Variants in HECW1 observed in about 807,000 individuals in gnomAD.
The protein encoded by HECW1 is E3 ubiquitin-protein ligase HECW1.
In HECW1, 61 loss-of-function variants were observed where a neutral mutation model predicts 182.3. The observed-to-expected ratio is 0.33, with a 90% CI of 0.27 to 0.41. The LOEUF is 0.41. HECW1 is among the 10% of genes least tolerant of loss of function. The pLI is 1.00. For synonymous variants in HECW1, 859 were observed against 832.6 expected, an observed-to-expected ratio of 1.03 and a Z score of -0.55; for missense variants, 1,739 against 2,108.9, an observed-to-expected ratio of 0.82 and a Z score of 3.44.
At chr7:43,365,143 G>A (rs1816459513) in intron 6 of HECW1, among the ~76,000 whole-genome samples, 2 of 152,240 alleles carry the variant, frequency 1.3e-5, no homozygotes, top group Non-Finnish European at 2.9e-5. Context: ...GCTGCTGGAG[G>A]GAGTGGGGGC....
chr7:43,244,670 G>A (rs112858496), intron 3 of HECW1, among the ~76,000 whole-genome samples: 53 of 152,266 alleles, frequency 3.5e-4, no homozygotes, highest in African/African-American at 1.2e-3. Flanking sequence ...GTCTCCCAGT[G>A]GGTAACTGAG....
chr7:43,558,086 G>T (rs1405795129), intron 29 of HECW1, among the ~76,000 whole-genome samples: 1 of 152,176 alleles, frequency 6.6e-6, no homozygotes, highest in East Asian at 1.9e-4. Context: ...GAGAACTGGA[G>T]ATGGGACACT....
Position 43,114,408 on chromosome 7 carries a change from T to A in HECW1, c.-32+17T>A. ...GCTATTACGGTAATTCATTCTAGAT[T>A]GGGGATTCATTTAAAAATGTGTGTT... On this transcript the variant is annotated intron_variant, in intron 2 of 29. Transcript: ENST00000395891. 11 of 1,336,404 alleles carry A rather than the reference T, an allele frequency of 8.2e-6. No individual in the cohort carries two copies. The highest frequency in any genetic ancestry group is 9.8e-6 in the Non-Finnish European group (10 of 1,017,250). The allele number at this position is 1,336,404 out of a possible 1,614,324, so 82.8% of individuals were successfully genotyped here. A position where few individuals can be genotyped will look rare whatever the true frequency, so the allele number is the denominator to read the frequency against.
At chr7:43,430,332 ACT>A (rs1196673599) in intron 8 of HECW1, among the ~76,000 whole-genome samples, 3 of 152,120 alleles carry the variant, frequency 2.0e-5, no homozygotes, top group African/African-American at 7.2e-5. Context: ...AGCCAGTAAA[ACT>A]CTTTCTACCC....
intron 2 of HECW1, among the ~76,000 whole-genome samples, chr7:43,203,630 G>T (rs1218258871): frequency 6.6e-6 from 1 of 152,094 alleles, no homozygotes. Flanking sequence ...GCTAATTTTT[G>T]TATTTTTAGT....
chr7:43,114,453 G>C (rs140452644), intron 2 of HECW1, 62 bp downstream of exon 2: 2 of 1,287,682 alleles, frequency 1.6e-6, no homozygotes, highest in South Asian at 1.3e-5. Context: ...GAAGGGATTA[G>C]AGTCCACATG....
chr7:43,407,533 TTTAAA>T, intron 7 of HECW1, 24 bp from the exon 8 acceptor site: 2 of 1,567,508 alleles, frequency 1.3e-6, no homozygotes, highest in Non-Finnish European at 1.7e-6. Context: ...CTAAAACATA[TTTAAA>T]TTAAAGTATC....
chr7:43,182,885 A>C (rs953847931), intron 2 of HECW1, among the ~76,000 whole-genome samples: 1 of 152,002 alleles, frequency 6.6e-6, no homozygotes, highest in African/African-American at 2.4e-5. Context: ...TTAAATGTAG[A>C]GATCTTTCAC....
At chr7:43,554,568 C>G in intron 28 of HECW1, 24 bp from the exon 29 acceptor site, 1 of 1,598,450 alleles carries the variant, frequency 6.3e-7, no homozygotes, top group South Asian at 1.1e-5. Flanking sequence ...ATCCTGTCTT[C>G]CTCCCTCCCT....
chr7:43,410,416 C>T lies in HECW1; in HGVS notation c.801+2685C>T, dbSNP rs545414585. Among the ~76,000 whole-genome samples, 29 of 152,186 alleles carry T rather than the reference C, an allele frequency of 1.9e-4. No individual in the cohort carries two copies. In the East Asian group the frequency reaches 4.3e-3, roughly 22 times the overall value. On this transcript the variant is annotated intron_variant, in intron 8 of 29. Transcript: ENST00000395891. ...ACCCTATCCTCATGACTCCTCTAAA[C>T]GTAATGACCTCCAAAGGCCCGGCCT...
At chr7:43,454,825 G>A (rs2077346340) in intron 12 of HECW1, among the ~76,000 whole-genome samples, 1 of 152,210 alleles carries the variant, frequency 6.6e-6, no homozygotes, top group Non-Finnish European at 1.5e-5. Flanking sequence ...ACTCCCGAAA[G>A]CTATGGCTTT....
intron 19 of HECW1, among the ~76,000 whole-genome samples, chr7:43,496,806 G>A (rs925878912): frequency 2.0e-5 from 3 of 152,176 alleles, no homozygotes; most frequent in Admixed American, 6.5e-5. Context: ...TAGAGAAGGG[G>A]ATGGAGCCAG....
rs546649258 is a variant in HECW1, at chr7:43,507,081, A to AAAG, written c.3632-38_3632-36dup. 205 of 1,576,040 alleles carry AAAG rather than the reference A, an allele frequency of 1.3e-4. 1 individual carries two copies. The Middle Eastern group carries it at 1.4e-3, about 11-fold the overall frequency. Reference sequence around the variant, plus strand: ...CGAGACTCCTTCTCAAAAAAGAAAAAAAGAAGAAGAAGAAGAAGAAAGAAA... The same window carrying AAAG: ...CGAGACTCCTTCTCAAAAAAGAAAAAAAGAAGAAGAAGAAGAAGAAGAAAGAAA... On this transcript the variant is annotated intron_variant, in intron 21 of 29. Transcript: ENST00000395891.
At chr7:43,462,343 A>G (rs1244538390) in intron 13 of HECW1, among the ~76,000 whole-genome samples, 2 of 151,058 alleles carry the variant, frequency 1.3e-5, no homozygotes, top group African/African-American at 4.9e-5. Context: ...CCACTCCGAC[A>G]CTGGATGATC....
chr7:43,351,324 A>G (rs553375382), intron 5 of HECW1, among the ~76,000 whole-genome samples: 143 of 152,200 alleles, frequency 9.4e-4, no homozygotes, highest in African/African-American at 3.3e-3. Flanking sequence ...TCAATGCTCT[A>G]TTTTTGTACT....
chr7:43,259,347 G>A (rs566658487), intron 3 of HECW1, among the ~76,000 whole-genome samples: 11 of 151,288 alleles, frequency 7.3e-5, no homozygotes, highest in Admixed American at 3.3e-4. Flanking sequence ...AGATCGCAGT[G>A]CTGCGCTCCA....
chr7:43,112,975 C>T (rs1228678526), intron 1 of HECW1, 38 bp downstream of exon 1: 2 of 205,716 alleles, frequency 9.7e-6, no homozygotes, highest in African/African-American at 4.6e-5. Flanking sequence ...TCTGCCGCCC[C>T]TTCCCCCCCG....
chr7:43,359,639 A>G (rs183291189), intron 5 of HECW1, among the ~76,000 whole-genome samples: 1 of 152,212 alleles, frequency 6.6e-6, no homozygotes, highest in Non-Finnish European at 1.5e-5. Context: ...ATTATGCAAA[A>G]ATCTCAGAAG....
intron 14 of HECW1, among the ~76,000 whole-genome samples, chr7:43,466,123 AAAAG>A (rs560582018): frequency 2.7e-4 from 40 of 150,492 alleles, no homozygotes; most frequent in Admixed American, 6.0e-4. Context: ...GAAAGAAAGA[AAAAG>A]AAAGAAAGGG....
Sources: allele counts gnomAD v4.1 joint callset (sites outside exome capture counted in the v4.1 genomes callset), GRCh38; gene constraint gnomAD v4.1.1; transcripts MANE v1.5; gene names NCBI Gene and HGNC (gene_info 2026-07-23, HGNC 2026-07-21).